RNASEH2C: variants seen among roughly 807,000 people sequenced by gnomAD.
RNASEH2C encodes the protein ribonuclease H2 subunit C.
In RNASEH2C, 20 loss-of-function variants were observed where a neutral mutation model predicts 16.3. The ratio of observed to expected loss-of-function variants is 1.23; its 90% CI spans 0.86 to 1.79. The LOEUF is 1.79. Among genes scored for constraint, RNASEH2C ranks in the 40% most tolerant of loss-of-function variants. The probability of loss-of-function intolerance (pLI) is 0.00; values close to 1 mark genes in which losing one functional copy is unlikely to be tolerated. For missense variants in RNASEH2C, 296 were observed against 235.9 expected (o/e 1.25, Z -1.67); for synonymous variants, 106 against 98.9 (o/e 1.07, Z -0.43).
Position 65,719,646 on chromosome 11 carries a change from T to C in RNASEH2C, c.*137A>G. On this transcript the variant is annotated 3_prime_UTR_variant, in exon 4 of 4. Transcript: ENST00000308418. Reference sequence around the variant, plus strand: ...TTGGTGGGGAGGGGGAAAGGGCCCATGCTGGCTTAGGGGCTCTAAGGCGCC... The same window carrying C: ...TTGGTGGGGAGGGGGAAAGGGCCCACGCTGGCTTAGGGGCTCTAAGGCGCC... The C allele has an allele frequency of 5.7e-6, 5 of 882,578 alleles. No homozygotes were observed. The highest frequency in any genetic ancestry group is 1.3e-5 in the South Asian group (1 of 74,506). 54.7% of individuals were successfully genotyped at this position (882,578 alleles called of 1,614,324 possible).
Position 65,720,248 on chromosome 11 carries a change from C to T in RNASEH2C, c.342G>A (p.Arg114=). Residue 114 remains arginine (R), a synonymous_variant, in exon 2 of 4, where the codon CGG becomes CGA. Transcript: ENST00000308418. ...ACCCTATCCCTTTGCTCACGAAGTC[C>T]CGCTCCAGCGGCTCCTCCTCTTGGT... ...TDDQEEEPLE[R]DFDRFIGATA... is the part of the protein sequence containing the mutation. The T allele has an allele frequency of 1.2e-6, 2 of 1,614,260 alleles. No individual in the cohort carries two copies. The highest frequency in any genetic ancestry group is 2.2e-5 in the South Asian group (2 of 91,090).
At chr11:65,719,931 C>T (rs757171876) in intron 3 of RNASEH2C, 114 bp downstream of exon 3, 3 of 1,597,004 alleles carry the variant, frequency 1.9e-6, no homozygotes, top group East Asian at 4.5e-5. Flanking sequence ...GAAGAGTGGT[C>T]AGGGAGCTAC....
Position 65,718,769 on chromosome 11 carries a change from C to T in RNASEH2C, c.*1014G>A. ...CATCAAGTGAGCCTGGCGCTGTCTA[C>T]CTGGGGGTACATGGCATGGCTTGTC... On this transcript the variant is annotated 3_prime_UTR_variant, in exon 4 of 4. Transcript: ENST00000308418. 1.2e-6 allele frequency: 2 copies of T among 1,614,104 alleles called. No individual in the cohort carries two copies. Among genetic ancestry groups the T allele is most frequent in the Non-Finnish European group, 1.7e-6 (2 of 1,179,966 alleles).
intron 3 of RNASEH2C, 31 bp downstream of exon 3, chr11:65,720,014 G>C (rs754574469): frequency 2.5e-6 from 4 of 1,611,404 alleles, no homozygotes; most frequent in Non-Finnish European, 3.4e-6. Context: ...CCATCCACCC[G>C]GGGGCAAGAC....
In RNASEH2C at chr11:65,720,410, T is replaced by C; in HGVS notation, c.180A>G (p.Glu60=). The C allele has an allele frequency of 6.2e-7, 1 of 1,613,918 alleles. No individual in the cohort carries two copies. The highest frequency in any genetic ancestry group is 8.5e-7 in the Non-Finnish European group (1 of 1,180,008). The change falls in exon 2 of 4, where the codon GAA becomes GAG. Residue 60 remains glutamate (E), a synonymous_variant. Transcript: ENST00000308418. ...PAIRQGPEGL[E]VSFRGRCLRG... is the part of the protein sequence containing the mutation. ...GTAGACAGCGGCCCCGAAACGACACTTCGAGTCCTGGAGCGGGAGGCGCAA... is the reference window on the plus strand; with the variant it reads ...GTAGACAGCGGCCCCGAAACGACACCTCGAGTCCTGGAGCGGGAGGCGCAA...
chr11:65,718,651 T>C lies in RNASEH2C; in HGVS notation c.*1132A>G. 6.2e-7 allele frequency: 1 copy of C among 1,614,190 alleles called. No homozygotes were observed. Among genetic ancestry groups the C allele is most frequent in the Non-Finnish European group, 8.5e-7 (1 of 1,180,022 alleles). On this transcript the variant is annotated 3_prime_UTR_variant, in exon 4 of 4. Transcript: ENST00000308418. ...CCCCTGAGAAGCCCCTCTCAGACCT[T>C]GGCCTCCTATCCTATCGAAGCTACT...
At chr11:65,719,873 C>T in intron 3 of RNASEH2C, 64 bp from the exon 4 acceptor site, 8 of 1,609,548 alleles carry the variant, frequency 5.0e-6, no homozygotes, top group Non-Finnish European at 6.8e-6. Context: ...GCCCCCATAC[C>T]CGAGGAAGGA....
In RNASEH2C at chr11:65,719,087, G is replaced by C; in HGVS notation, c.*696C>G. 6.2e-7 allele frequency: 1 copy of C among 1,614,176 alleles called. No individual in the cohort carries two copies. The highest frequency in any genetic ancestry group is 8.5e-7 in the Non-Finnish European group (1 of 1,180,018). ...ACACTGTCAGAGGACATCGTGGATG[G>C]CCATGAGCGGGCCATGCTCAAGCGG... is the stretch of plus-strand genomic sequence containing the variant. On this transcript the variant is annotated 3_prime_UTR_variant, in exon 4 of 4. Coordinates refer to ENST00000308418, the MANE Select transcript of RNASEH2C (RefSeq NM_032193.4).
intron 2 of RNASEH2C, 22 bp from the exon 3 acceptor site, chr11:65,720,186 G>T: frequency 6.2e-7 from 1 of 1,614,232 alleles, no homozygotes; most frequent in Non-Finnish European, 8.5e-7. Flanking sequence ...GCCTGGCTCA[G>T]CATCGGGACT....
At position 65,719,113 on chromosome 11, in the gene RNASEH2C, C is replaced by G; in HGVS notation, c.*670G>C. The stretch of plus-strand genomic sequence containing the variant: ...CCATGAGCGGGCCATGCTCAAGCGG[C>G]TCCTGCGGATCGACTCCAAGTGTCT... On this transcript the variant is annotated 3_prime_UTR_variant, in exon 4 of 4. Coordinates refer to ENST00000308418, the MANE Select transcript of RNASEH2C (RefSeq NM_032193.4). 6.2e-7 allele frequency: 1 copy of G among 1,614,236 alleles called. No homozygotes were observed. The highest frequency in any genetic ancestry group is 8.5e-7 in the Non-Finnish European group (1 of 1,180,042).
rs1857293672 is a variant in RNASEH2C at position 65,718,756 on chromosome 11, C to T, written c.*1027G>A. On this transcript the variant is annotated 3_prime_UTR_variant, in exon 4 of 4. Coordinates refer to ENST00000308418, the MANE Select transcript of RNASEH2C (RefSeq NM_032193.4). ...GGCCACAGATCACCATCAAGTGAGC[C>T]TGGCGCTGTCTACCTGGGGGTACAT... 1 of 1,614,168 alleles carries T rather than the reference C, an allele frequency of 6.2e-7. No homozygotes were observed. The highest frequency in any genetic ancestry group is 8.5e-7 in the Non-Finnish European group (1 of 1,180,020).
Position 65,719,080 on chromosome 11 carries a change from G to A in RNASEH2C, c.*703C>T, listed in dbSNP as rs760107601. On this transcript the variant is annotated 3_prime_UTR_variant, in exon 4 of 4. Coordinates refer to ENST00000308418, the MANE Select transcript of RNASEH2C (RefSeq NM_032193.4). ...CATCCTCACACTGTCAGAGGACATC[G>A]TGGATGGCCATGAGCGGGCCATGCT... is the stretch of plus-strand genomic sequence containing the variant. 7.4e-6 allele frequency: 12 copies of A among 1,614,056 alleles called. No homozygotes were observed. The highest frequency in any genetic ancestry group is 2.2e-5 in the East Asian group (1 of 44,894).
intron 3 of RNASEH2C, 83 bp downstream of exon 3, chr11:65,719,962 T>C (rs1212391004): frequency 3.1e-6 from 5 of 1,608,486 alleles, no homozygotes; most frequent in Non-Finnish European, 3.4e-6. Flanking sequence ...CACTACCCAG[T>C]AGAATCCTCC....
At position 65,719,690 on chromosome 11, in the gene RNASEH2C, G is replaced by T; in HGVS notation, c.*93C>A. 1 of 1,380,198 alleles carries T rather than the reference G, an allele frequency of 7.2e-7. No individual in the cohort carries two copies. The highest frequency in any genetic ancestry group is 1.0e-6 in the Non-Finnish European group (1 of 968,658). The allele number at this position is 1,380,198 out of a possible 1,614,324, so 85.5% of individuals were successfully genotyped here. A position where few individuals can be genotyped will look rare whatever the true frequency, so the allele number is the denominator to read the frequency against. On this transcript the variant is annotated 3_prime_UTR_variant, in exon 4 of 4. Coordinates refer to ENST00000308418, the MANE Select transcript of RNASEH2C (RefSeq NM_032193.4). ...AGGCGCCCAGACTCACAGGTGCTGT[G>T]AAGAGCTCCTTTATTGGGGTGATGG...
Position 65,720,095 on chromosome 11 carries a change from G to A in RNASEH2C, c.418C>T (p.Pro140Ser). The part of the protein sequence containing the change: ...TLWGLETIPG[P>S]DAKVRGALTW... ...AAGGCCCCACGCACTTTGGCATCCG[G>A]GCCAGGGATGGTCTCCAGACCCCAC... Residue 140 changes from proline (P) to serine (S), a missense_variant, in exon 3 of 4, where the codon CCG (proline) becomes TCG (serine). By Grantham distance (74) the Pro-to-Ser change is moderately conservative. Coordinates refer to ENST00000308418, the MANE Select transcript of RNASEH2C (RefSeq NM_032193.4). 1.2e-6 allele frequency: 2 copies of A among 1,614,170 alleles called. No individual in the cohort carries two copies. Among genetic ancestry groups the A allele is most frequent in the Non-Finnish European group, 1.7e-6 (2 of 1,180,046 alleles).
rs1280435007 is a variant in RNASEH2C at position 65,720,761 on chromosome 11, T to C, written c.-3A>G. On this transcript the variant is annotated 5_prime_UTR_variant, in exon 1 of 4. Transcript: ENST00000308418. Reference sequence around the variant, plus strand: ...GCCGCTTCGTCGCCGCTCTCCATCCTCCCTCCTACGCGACGCCAGGGCTCG... The same window carrying C: ...GCCGCTTCGTCGCCGCTCTCCATCCCCCCTCCTACGCGACGCCAGGGCTCG... The C allele has an allele frequency of 1.9e-6, 3 of 1,584,878 alleles. No homozygotes were observed. Among genetic ancestry groups the C allele is most frequent in the Admixed American group, 3.4e-5 (2 of 58,082 alleles).
In RNASEH2C at chr11:65,719,013, C is replaced by G; in HGVS notation, c.*770G>C. On this transcript the variant is annotated 3_prime_UTR_variant, in exon 4 of 4. Coordinates refer to ENST00000308418, the MANE Select transcript of RNASEH2C (RefSeq NM_032193.4). ...GATGCAGAGTGCAGTCCTCTGTGGGCTGACCACCTGCTGAACCCATCTCCT... is the reference window on the plus strand; with the variant it reads ...GATGCAGAGTGCAGTCCTCTGTGGGGTGACCACCTGCTGAACCCATCTCCT... 1 of 1,613,966 alleles carries G rather than the reference C, an allele frequency of 6.2e-7. No homozygotes were observed. The highest frequency in any genetic ancestry group is 8.5e-7 in the Non-Finnish European group (1 of 1,179,904).
Position 65,719,729 on chromosome 11 carries a change from G to T in RNASEH2C, c.*54C>A, listed in dbSNP as rs752329713. 15 of 1,598,882 alleles carry T rather than the reference G, an allele frequency of 9.4e-6. No individual in the cohort carries two copies. In the South Asian group the frequency reaches 1.7e-4, roughly 18 times the overall value. On this transcript the variant is annotated 3_prime_UTR_variant, in exon 4 of 4. Transcript: ENST00000308418. ...TTGGGGTGATGGAATCGGTTCCAAA[G>T]AGCTGGTTTACTGCTGTGAAGGGAT...
chr11:65,720,509 C>T (rs763387889), intron 1 of RNASEH2C, 78 bp downstream of exon 1: 2 of 1,563,098 alleles, frequency 1.3e-6, no homozygotes, highest in Admixed American at 1.9e-5. Context: ...GACCACGATC[C>T]CCAGGAGCCC....
Sources: allele counts gnomAD v4.1 joint callset, GRCh38; gene constraint gnomAD v4.1.1; transcripts MANE v1.5; gene names NCBI Gene and HGNC (gene_info 2026-07-23, HGNC 2026-07-21).